SLC10A7: variants seen among roughly 807,000 people sequenced by gnomAD.
SLC10A7 encodes the protein solute carrier family 10 member 7.
In SLC10A7, 29 loss-of-function variants were observed where a neutral mutation model predicts 43.2. The ratio of observed to expected loss-of-function variants is 0.67; its 90% CI spans 0.50 to 0.92. The LOEUF (loss-of-function observed/expected upper bound fraction) is 0.92. SLC10A7 is among the 40% of genes least tolerant of loss of function. The probability of loss-of-function intolerance (pLI) is 0.00; values close to 1 mark genes in which losing one functional copy is unlikely to be tolerated. For synonymous variants in SLC10A7, 152 were observed against 144.8 expected (o/e 1.05, Z -0.35); for missense variants, 295 against 403.2 (o/e 0.73, Z 2.30).
chr4:146,441,492 G>C (rs1374768480), intron 5 of SLC10A7, among the ~76,000 whole-genome samples: 1 of 152,174 alleles, frequency 6.6e-6, no homozygotes, highest in Non-Finnish European at 1.5e-5. Context: ...AAGATGTTTT[G>C]ATAGTGGATG....
intron 6 of SLC10A7, 53 bp downstream of exon 6, chr4:146,325,908 G>A: frequency 6.7e-7 from 1 of 1,485,278 alleles, no homozygotes; most frequent in Non-Finnish European, 9.3e-7. Context: ...TTTCTTAAAG[G>A]GTTGTAGATA....
intron 9 of SLC10A7, among the ~76,000 whole-genome samples, chr4:146,289,193 T>C (rs1730236665): frequency 6.6e-6 from 1 of 152,174 alleles, no homozygotes; most frequent in South Asian, 2.1e-4. Context: ...CAAGGCTTAG[T>C]TGCCTCCTCT....
At chr4:146,266,375 A>G (rs1182564572) in intron 10 of SLC10A7, among the ~76,000 whole-genome samples, 1 of 151,896 alleles carries the variant, frequency 6.6e-6, no homozygotes, top group African/African-American at 2.4e-5. Flanking sequence ...GACATCACCA[A>G]ATGCCAATCT....
chr4:146,411,542 C>T (rs1179984346), intron 5 of SLC10A7, among the ~76,000 whole-genome samples: 1 of 152,000 alleles, frequency 6.6e-6, no homozygotes, highest in Non-Finnish European at 1.5e-5. Context: ...CTAATTAATA[C>T]TAATGTTTAC....
rs79939887 is a variant in SLC10A7, at chr4:146,421,495, C to A, written c.435+21288G>T. Reference sequence around the variant, plus strand: ...AGTATAGCACTTTGTCCATGATATACTCCTTGAAAACTCTTCAGCAATGCC... The same window carrying A: ...AGTATAGCACTTTGTCCATGATATAATCCTTGAAAACTCTTCAGCAATGCC... On this transcript the variant is annotated intron_variant, in intron 5 of 11. Coordinates refer to ENST00000335472, the MANE Select transcript of SLC10A7 (RefSeq NM_001029998.6). 9.0e-3 allele frequency among the ~76,000 whole-genome samples: 1,371 copies of A among 152,166 alleles called. 72 individuals carry two copies. The East Asian group carries it at 0.14, about 16-fold the overall frequency.
Position 146,255,973 on chromosome 4 carries a change from T to A in SLC10A7, c.*518A>T, listed in dbSNP as rs886464675. 6.5e-6 allele frequency: 1 copy of A among 152,700 alleles called. No homozygotes were observed. Among genetic ancestry groups the A allele is most frequent in the African/African-American group, 2.4e-5 (1 of 41,468 alleles). 9.5% of individuals were successfully genotyped at this position (152,700 alleles called of 1,614,324 possible). On this transcript the variant is annotated 3_prime_UTR_variant, in exon 12 of 12. Transcript: ENST00000335472. ...TGTCTTTAAAAATGATGTCAAGGAA[T>A]GCATATATCTTACGCTTTTCAGCAT...
chr4:146,496,154 G>A (rs967682078), intron 4 of SLC10A7, among the ~76,000 whole-genome samples: 3 of 152,092 alleles, frequency 2.0e-5, no homozygotes, highest in African/African-American at 7.2e-5. Context: ...AATGATATGG[G>A]TCATCTAGGC....
At chr4:146,472,721 C>T (rs1733681882) in intron 4 of SLC10A7, among the ~76,000 whole-genome samples, 1 of 152,118 alleles carries the variant, frequency 6.6e-6, no homozygotes, top group South Asian at 2.1e-4. Flanking sequence ...CCAGCTCCTG[C>T]CAAGCAGTGG....
intron 5 of SLC10A7, among the ~76,000 whole-genome samples, chr4:146,381,156 G>A (rs139747178): frequency 6.6e-6 from 1 of 152,094 alleles, no homozygotes; most frequent in Non-Finnish European, 1.5e-5. Context: ...CAAATGAGGG[G>A]CCCTAAAGCT....
chr4:146,343,178 T>C (rs1734385202), intron 5 of SLC10A7, among the ~76,000 whole-genome samples: 2 of 152,076 alleles, frequency 1.3e-5, no homozygotes, highest in South Asian at 4.1e-4. Flanking sequence ...TTAGGTGATT[T>C]CTTACAACAC....
At chr4:146,504,303 A>G (rs889067465) in intron 3 of SLC10A7, among the ~76,000 whole-genome samples, 1 of 152,094 alleles carries the variant, frequency 6.6e-6, no homozygotes, top group Non-Finnish European at 1.5e-5. Flanking sequence ...GCAGATCACG[A>G]GGTCAGGAGA....
chr4:146,487,720 T>G (rs1217446320), intron 4 of SLC10A7, among the ~76,000 whole-genome samples: 2 of 152,222 alleles, frequency 1.3e-5, no homozygotes, highest in Non-Finnish European at 2.9e-5. Context: ...AGCAGTCCTA[T>G]GTACTTCATA....
chr4:146,445,891 C>CTGTGTGTG (rs10678013), intron 4 of SLC10A7, among the ~76,000 whole-genome samples: 157 of 148,686 alleles, frequency 1.1e-3, no homozygotes, highest in African/African-American at 3.6e-3. Context: ...CTTCTCTCTT[C>CTGTGTGTG]TGTGTGTGTG....
chr4:146,315,997 A>G (rs1013840616), intron 6 of SLC10A7, among the ~76,000 whole-genome samples: 1 of 152,110 alleles, frequency 6.6e-6, no homozygotes, highest in Non-Finnish European at 1.5e-5. Flanking sequence ...GTAATGAATA[A>G]GACATGCACA....
At chr4:146,455,470 C>T (rs745572862) in intron 4 of SLC10A7, among the ~76,000 whole-genome samples, 5 of 151,846 alleles carry the variant, frequency 3.3e-5, no homozygotes, top group Admixed American at 2.0e-4. Context: ...ATGTTTCTTA[C>T]GAATTTTAGA....
intron 5 of SLC10A7, among the ~76,000 whole-genome samples, chr4:146,357,181 G>A (rs1735717356): frequency 2.0e-5 from 3 of 152,292 alleles, no homozygotes; most frequent in Admixed American, 6.5e-5. Flanking sequence ...ATTTGCACAT[G>A]TATATTTCTG....
intron 5 of SLC10A7, among the ~76,000 whole-genome samples, chr4:146,332,328 C>T (rs1282195423): frequency 6.6e-6 from 1 of 152,160 alleles, no homozygotes; most frequent in Non-Finnish European, 1.5e-5. Flanking sequence ...TCTGAGATCA[C>T]GTGCTATGAT....
intron 5 of SLC10A7, among the ~76,000 whole-genome samples, chr4:146,373,401 G>A (rs1429849262): frequency 1.3e-5 from 2 of 149,842 alleles, no homozygotes; most frequent in Admixed American, 6.7e-5. Context: ...TTGAGCCCAG[G>A]AGATGGAGGC....
At chr4:146,424,972 T>C (rs1729234846) in intron 5 of SLC10A7, among the ~76,000 whole-genome samples, 3 of 152,200 alleles carry the variant, frequency 2.0e-5, no homozygotes, top group African/African-American at 7.2e-5. Flanking sequence ...TAAAAAAAGT[T>C]CTGGCTGTGC....
Sources: gnomAD v4.1 joint callset for allele counts (sites outside exome capture counted in the v4.1 genomes callset) on GRCh38, gnomAD v4.1.1 for gene constraint, MANE v1.5 for transcripts, NCBI Gene and HGNC (gene_info 2026-07-23, HGNC 2026-07-21) for gene names.